The following IL1RAPL1 variants were observed in gnomAD, a reference collection of about 807,000 sequenced individuals.
The protein encoded by IL1RAPL1 is interleukin-1 receptor accessory protein-like 1.
A neutral mutation model predicts 48.4 loss-of-function variants in IL1RAPL1; 3 were observed. That is an observed-to-expected ratio of 0.06 (90% confidence interval 0.03 to 0.16). The LOEUF is 0.16. Ranked by LOEUF, IL1RAPL1 falls within the 10% of genes least tolerant of loss-of-function variation. The pLI, the probability that IL1RAPL1 is intolerant of heterozygous loss-of-function variation, is 1.00. For missense variants in IL1RAPL1, 349 were observed against 530.6 expected (o/e 0.66, Z 3.36); for synonymous variants, 185 against 187.7 (o/e 0.99, Z 0.12).
chrX:28,943,377 G>A (rs967139487), intron 2 of IL1RAPL1, among the ~76,000 whole-genome samples: 21 of 109,974 alleles, frequency 1.9e-4, no homozygotes, highest in Admixed American at 1.9e-3. Context: ...ATTATTGTGA[G>A]CTGTTGATGA....
chrX:29,209,770 G>A (rs1364426730), intron 2 of IL1RAPL1, among the ~76,000 whole-genome samples: 2 of 112,025 alleles, frequency 1.8e-5, no homozygotes, highest in Non-Finnish European at 3.8e-5. Flanking sequence ...TTGTAGAATT[G>A]CTATGTCAAA....
chrX:29,117,083 G>C lies in IL1RAPL1; in HGVS notation c.83-165855G>C, dbSNP rs1385111901. Among the ~76,000 whole-genome samples, 3 of 111,432 alleles carry C rather than the reference G, an allele frequency of 2.7e-5. No individual in the cohort carries two copies. In the Admixed American group the frequency reaches 2.9e-4, roughly 11 times the overall value. On this transcript the variant is annotated intron_variant, in intron 2 of 10. Coordinates refer to ENST00000378993, the MANE Select transcript of IL1RAPL1 (RefSeq NM_014271.4). The stretch of plus-strand genomic sequence containing the variant: ...AATGAGAATTAAAGAAGATGTAATT[G>C]TGTGATTAGGATGTGATTGAAACGT...
chrX:29,613,761 C>CT (rs1292640918), intron 5 of IL1RAPL1, among the ~76,000 whole-genome samples: 869 of 44,263 alleles, frequency 0.02, 24 homozygotes, highest in Non-Finnish European at 0.024. Context: ...GTGTGTGTTT[C>CT]TTTTTTTTTT....
At position 29,724,417 on chromosome X, in the gene IL1RAPL1, A is replaced by C. The variant is rs1927723706; in HGVS notation, c.778+55913A>C. ...CAGGAGATGAAATTGAGGCAGATCA[A>C]ATTCTCAGGATGACTAGATTTGAGA... On this transcript the variant is annotated intron_variant, in intron 6 of 10. Transcript: ENST00000378993. 2.7e-5 allele frequency among the ~76,000 whole-genome samples: 3 copies of C among 112,113 alleles called. No homozygotes were observed. In the Admixed American group the frequency reaches 2.8e-4, roughly 11 times the overall value.
Position 29,838,501 on chromosome X carries a change from C to T in IL1RAPL1, c.779-78963C>T, listed in dbSNP as rs773437941. Among the ~76,000 whole-genome samples, 5 of 112,239 alleles carry T rather than the reference C, an allele frequency of 4.5e-5. No individual in the cohort carries two copies. The South Asian group carries it at 1.5e-3, about 33-fold the overall frequency. On this transcript the variant is annotated intron_variant, in intron 6 of 10. Transcript: ENST00000378993. ...CCTATTGGATTAAAATCATAACATTCAGGCAGTCTAGTTTGCCACTGTTCA... is the reference window on the plus strand; with the variant it reads ...CCTATTGGATTAAAATCATAACATTTAGGCAGTCTAGTTTGCCACTGTTCA...
chrX:28,981,499 T>A (rs1284044830), intron 2 of IL1RAPL1, among the ~76,000 whole-genome samples: 2 of 111,938 alleles, frequency 1.8e-5, no homozygotes, highest in East Asian at 5.6e-4. Context: ...AAGAAATATA[T>A]TAAGGCATTA....
rs1276795423 is a variant in IL1RAPL1 at position 29,155,007 on chromosome X, C to CT, written c.83-127917dup. Among the ~76,000 whole-genome samples, 214 of 101,254 alleles carry CT rather than the reference C, an allele frequency of 2.1e-3. 1 individual carries two copies. The highest frequency in any genetic ancestry group is 7.0e-3 in the South Asian group (16 of 2,277). 87.9% of individuals were successfully genotyped at this position (101,254 alleles called of 115,157 possible). A position where few individuals can be genotyped will look rare whatever the true frequency, so the allele number is the denominator to read the frequency against. ...ATGGTATCTTTTTCTTTCTTTCTGT[C>CT]TTTTTTTTTTTTTTCTTGAGACAGA... On this transcript the variant is annotated intron_variant, in intron 2 of 10. Transcript: ENST00000378993.
intron 2 of IL1RAPL1, among the ~76,000 whole-genome samples, chrX:29,093,836 A>C: frequency 9.0e-6 from 1 of 111,491 alleles, no homozygotes; most frequent in Non-Finnish European, 1.9e-5. Flanking sequence ...GGTCTGCTGC[A>C]TACCCAAAAT....
intron 3 of IL1RAPL1, among the ~76,000 whole-genome samples, chrX:29,384,298 C>T (rs1219502051): frequency 1.8e-5 from 2 of 111,496 alleles, no homozygotes; most frequent in Non-Finnish European, 3.8e-5. Context: ...AGTCATGTTA[C>T]CAGAACCCAG....
At chrX:29,573,425 T>A (rs1400601990) in intron 5 of IL1RAPL1, among the ~76,000 whole-genome samples, 1 of 112,081 alleles carries the variant, frequency 8.9e-6, no homozygotes, top group African/African-American at 3.2e-5. Context: ...CTCAAATAAG[T>A]TATATATAAA....
chrX:29,903,159 C>CGTGTGTGT lies in IL1RAPL1; in HGVS notation c.779-14287_779-14280dup, dbSNP rs751071711. On this transcript the variant is annotated intron_variant, in intron 6 of 10. Transcript: ENST00000378993. Reference sequence around the variant, plus strand: ...AGTTCCAACGAACTTCATTTGTCTCCGTGTGTGTGTGTGTGTGTGTGTGTG... The same window carrying CGTGTGTGT: ...AGTTCCAACGAACTTCATTTGTCTCCGTGTGTGTGTGTGTGTGTGTGTGTGTGTGTGTG... Among the ~76,000 whole-genome samples, 154 of 99,698 alleles carry CGTGTGTGT rather than the reference C, an allele frequency of 1.5e-3. 1 individual carries two copies. Among genetic ancestry groups the CGTGTGTGT allele is most frequent in the African/African-American group, 2.4e-3 (65 of 26,846 alleles). 86.6% of individuals were successfully genotyped at this position (99,698 alleles called of 115,157 possible).
intron 3 of IL1RAPL1, among the ~76,000 whole-genome samples, chrX:29,366,659 C>G (rs1345313547): frequency 2.0e-5 from 2 of 98,684 alleles, no homozygotes; most frequent in Admixed American, 2.4e-4. Flanking sequence ...AGCTCTGCCT[C>G]CCGGGTTCAT....
intron 1 of IL1RAPL1, among the ~76,000 whole-genome samples, chrX:28,674,181 A>T (rs1934975327): frequency 9.0e-6 from 1 of 111,482 alleles, no homozygotes; most frequent in African/African-American, 3.3e-5. Context: ...AGCTTATATC[A>T]TATTTTATCT....
At chrX:29,286,479 C>T (rs1316080067) in intron 3 of IL1RAPL1, among the ~76,000 whole-genome samples, 1 of 110,559 alleles carries the variant, frequency 9.0e-6, no homozygotes, top group African/African-American at 3.3e-5. Context: ...GCCAGGAGTC[C>T]AAGACCAGCC....
chrX:29,298,870 G>C (rs1220484891), intron 3 of IL1RAPL1, among the ~76,000 whole-genome samples: 1 of 111,235 alleles, frequency 9.0e-6, no homozygotes, highest in Non-Finnish European at 1.9e-5. Flanking sequence ...CTTTACTTGT[G>C]ATGGTTAATA....
chrX:28,618,364 T>A (rs1184355241), intron 1 of IL1RAPL1, among the ~76,000 whole-genome samples: 1 of 112,553 alleles, frequency 8.9e-6, no homozygotes, highest in African/African-American at 3.2e-5. Flanking sequence ...CTTAGAAGAA[T>A]GAAAATTGAA....
At chrX:28,632,942 G>A (rs186661302) in intron 1 of IL1RAPL1, among the ~76,000 whole-genome samples, 146 of 95,343 alleles carry the variant, frequency 1.5e-3, no homozygotes, top group African/African-American at 5.3e-3. Context: ...AGGCTGGAGT[G>A]TGGTGGTGCA....
At chrX:29,849,240 A>G (rs1931312768) in intron 6 of IL1RAPL1, among the ~76,000 whole-genome samples, 1 of 112,114 alleles carries the variant, frequency 8.9e-6, no homozygotes, top group African/African-American at 3.2e-5. Flanking sequence ...CTTACATTAA[A>G]CCATTACATG....
At chrX:29,364,499 G>T (rs1569295368) in intron 3 of IL1RAPL1, among the ~76,000 whole-genome samples, 1 of 103,624 alleles carries the variant, frequency 9.7e-6, no homozygotes, top group East Asian at 3.0e-4. Context: ...GGAGGTGGAG[G>T]TTGCAGTGAG....
Sources: allele counts gnomAD v4.1 joint callset (sites outside exome capture counted in the v4.1 genomes callset), GRCh38; gene constraint gnomAD v4.1.1; transcripts MANE v1.5; gene names NCBI Gene and HGNC (gene_info 2026-07-23, HGNC 2026-07-21).